HTR7: variants seen among roughly 807,000 people sequenced by gnomAD.
HTR7 encodes the protein 5-hydroxytryptamine receptor 7, also known as 5-HT-7.
In HTR7, 16 loss-of-function variants were observed where a neutral mutation model predicts 34.0. The observed-to-expected ratio is 0.47, with a 90% confidence interval of 0.32 to 0.71. The LOEUF (loss-of-function observed/expected upper bound fraction) is 0.71, where lower values mean the gene tolerates loss of function less well. Among genes scored for constraint, HTR7 ranks in the 30% least tolerant of loss-of-function variants. The pLI is 0.04. For synonymous variants in HTR7, 265 were observed against 260.2 expected (o/e 1.02, Z -0.18); for missense variants, 504 against 625.5 (o/e 0.81, Z 2.07).
At chr10:90,810,262 C>G (rs567725323) in intron 1 of HTR7, among the ~76,000 whole-genome samples, 1 of 152,044 alleles carries the variant, frequency 6.6e-6, no homozygotes, top group Non-Finnish European at 1.5e-5. Context: ...CCACCTTTTC[C>G]CCCACTTCAA....
intron 1 of HTR7, among the ~76,000 whole-genome samples, chr10:90,815,987 C>T (rs960235512): frequency 2.0e-5 from 3 of 152,166 alleles, no homozygotes; most frequent in Non-Finnish European, 4.4e-5. Context: ...CCTATGCTAA[C>T]AGGGATAGCA....
chr10:90,752,535 C>A (rs999464312), intron 1 of HTR7, among the ~76,000 whole-genome samples: 1 of 151,686 alleles, frequency 6.6e-6, no homozygotes, highest in East Asian at 1.9e-4. Flanking sequence ...CTTTTGTTAA[C>A]GATTTTAAAG....
chr10:90,773,578 C>T (rs1350686287), intron 1 of HTR7, among the ~76,000 whole-genome samples: 2 of 151,252 alleles, frequency 1.3e-5, no homozygotes, highest in Non-Finnish European at 1.5e-5. Context: ...TTTTTTTGTA[C>T]CCATTAATCA....
At chr10:90,825,276 T>C (rs1294311963) in intron 1 of HTR7, among the ~76,000 whole-genome samples, 2 of 152,174 alleles carry the variant, frequency 1.3e-5, no homozygotes, top group Non-Finnish European at 2.9e-5. Flanking sequence ...TGCAGGCTTA[T>C]ACCTCTACAA....
At position 90,857,531 on chromosome 10, in the gene HTR7, GT is replaced by G; in HGVS notation, c.140del (p.His47ProfsTer3). 1 of 1,607,568 alleles carries G rather than the reference GT, an allele frequency of 6.2e-7. No homozygotes were observed. The highest frequency in any genetic ancestry group is 1.1e-5 in the South Asian group (1 of 90,718). On this transcript the variant is annotated frameshift_variant, in exon 1 of 4. Coordinates refer to ENST00000336152, the MANE Select transcript of HTR7 (RefSeq NM_019859.4). LOFTEE classifies it high-confidence loss of function. This position sits in a 1 kb window ranked among gnomAD's most constrained non-coding sequence, Gnocchi z 6.5. ...GGCTGGCTGTCACCTCGCTCAGCAG[GT>G]GCGGCGCCCAGGAGCCCGCGACCGG... is the stretch of plus-strand genomic sequence containing the variant. ...ADPVAGSWAPHLLSEVTASPA... is the reference protein window; with the variant it reads ...ADPVAGSWAPXLLSEVTASPA...
At chr10:90,773,781 T>A (rs1343606056) in intron 1 of HTR7, among the ~76,000 whole-genome samples, 3 of 152,186 alleles carry the variant, frequency 2.0e-5, no homozygotes, top group Admixed American at 6.5e-5. Context: ...GGACAGAATC[T>A]CCTTCTTTTT....
intron 1 of HTR7, among the ~76,000 whole-genome samples, chr10:90,800,531 T>C (rs1845609505): frequency 7.0e-6 from 1 of 142,572 alleles, no homozygotes; most frequent in Non-Finnish European, 1.5e-5. Flanking sequence ...GACTACTACC[T>C]TATCTTCACA....
chr10:90,778,048 C>A (rs1211246282), intron 1 of HTR7, among the ~76,000 whole-genome samples: 1 of 152,192 alleles, frequency 6.6e-6, no homozygotes, highest in Non-Finnish European at 1.5e-5. Flanking sequence ...TTCTAACTAG[C>A]TGAACCATGG....
At chr10:90,812,346 C>G (rs1002417442) in intron 1 of HTR7, among the ~76,000 whole-genome samples, 5 of 152,144 alleles carry the variant, frequency 3.3e-5, no homozygotes, top group Admixed American at 6.5e-5. Context: ...TTTCTCCAAG[C>G]CATCACAGCT....
At chr10:90,777,958 A>G (rs1401322544) in intron 1 of HTR7, among the ~76,000 whole-genome samples, 1 of 152,178 alleles carries the variant, frequency 6.6e-6, no homozygotes, top group Non-Finnish European at 1.5e-5. Context: ...TCTTCTGTCC[A>G]TGCTGAAAAT....
intron 1 of HTR7, among the ~76,000 whole-genome samples, chr10:90,758,144 G>A (rs1368721619): frequency 6.6e-6 from 1 of 151,812 alleles, no homozygotes; most frequent in Non-Finnish European, 1.5e-5. Context: ...TTAGGAGTTC[G>A]AAACCACCCT....
chr10:90,796,505 T>C (rs1845540113), intron 1 of HTR7, among the ~76,000 whole-genome samples: 1 of 152,164 alleles, frequency 6.6e-6, no homozygotes, highest in African/African-American at 2.4e-5. Flanking sequence ...ATCTCAGCAC[T>C]TTGAGGCCAG....
At chr10:90,797,905 T>C (rs773810274) in intron 1 of HTR7, among the ~76,000 whole-genome samples, 2 of 152,214 alleles carry the variant, frequency 1.3e-5, no homozygotes, top group Non-Finnish European at 2.9e-5. Flanking sequence ...GCCTTTCTGC[T>C]GCACCATTTC....
intron 1 of HTR7, among the ~76,000 whole-genome samples, chr10:90,775,973 A>G (rs1474689626): frequency 1.3e-5 from 2 of 152,238 alleles, no homozygotes; most frequent in Admixed American, 6.5e-5. Context: ...ATATTTTTTC[A>G]TACAACATAT....
intron 1 of HTR7, among the ~76,000 whole-genome samples, chr10:90,752,627 T>C (rs1424598352): frequency 6.6e-6 from 1 of 151,750 alleles, no homozygotes; most frequent in Admixed American, 6.6e-5. Flanking sequence ...AAAAAAAGTA[T>C]AAAGCCACAG....
chr10:90,831,591 C>A (rs972892743), intron 1 of HTR7, among the ~76,000 whole-genome samples: 4 of 152,186 alleles, frequency 2.6e-5, no homozygotes, highest in Non-Finnish European at 4.4e-5. Flanking sequence ...ACTGCTGGCT[C>A]GCGCAGCCTG....
At chr10:90,760,265 A>C (rs1316822558) in intron 1 of HTR7, among the ~76,000 whole-genome samples, 2 of 152,226 alleles carry the variant, frequency 1.3e-5, no homozygotes, top group Non-Finnish European at 2.9e-5. Context: ...AGAAAGTTAA[A>C]CACCACATGT....
At chr10:90,765,883 A>T (rs967358562) in intron 1 of HTR7, among the ~76,000 whole-genome samples, 6 of 152,188 alleles carry the variant, frequency 3.9e-5, no homozygotes, top group Non-Finnish European at 8.8e-5. Flanking sequence ...TTCAGAAAAG[A>T]TACTTGATAT....
intron 1 of HTR7, among the ~76,000 whole-genome samples, chr10:90,777,094 G>C (rs985016294): frequency 6.6e-6 from 1 of 152,108 alleles, no homozygotes; most frequent in Non-Finnish European, 1.5e-5. Flanking sequence ...GGCCAGGACA[G>C]GTATAGTCAC....
Sources: allele counts gnomAD v4.1 joint callset (sites outside exome capture counted in the v4.1 genomes callset), GRCh38; gene constraint gnomAD v4.1.1; non-coding constraint Gnocchi (gnomAD v3.1); transcripts MANE v1.5; gene names NCBI Gene and HGNC (gene_info 2026-07-23, HGNC 2026-07-21).